The following CRYM variants were observed in gnomAD, a reference collection of about 807,000 sequenced individuals.
CRYM encodes the protein crystallin mu.
Under a neutral mutation model 32.9 loss-of-function variants are expected in CRYM, and 18 were observed. That is an observed-to-expected ratio of 0.55 (90% CI 0.38 to 0.81). The LOEUF (loss-of-function observed/expected upper bound fraction) is 0.81. CRYM is among the 30% of genes least tolerant of loss of function. CRYM has a pLI of 0.00. For missense variants in CRYM, 337 were observed against 393.5 expected (o/e 0.86, Z 1.21); for synonymous variants, 153 against 152.4 (o/e 1.00, Z -0.03).
In CRYM at chr16:21,259,488, C is replaced by T. The variant is rs146568903; in HGVS notation, c.881-643G>A. ...CAGGGTCTCTATTACAATTATTCAACTCTGCCTTTAGAGTAGAAAACACAG... is the reference window on the plus strand; with the variant it reads ...CAGGGTCTCTATTACAATTATTCAATTCTGCCTTTAGAGTAGAAAACACAG... On this transcript the variant is annotated intron_variant, in intron 7 of 7. Transcript: ENST00000572914. Among the ~76,000 whole-genome samples, 3 of 152,292 alleles carry T rather than the reference C, an allele frequency of 2.0e-5. No individual in the cohort carries two copies. In the East Asian group the frequency reaches 5.8e-4, roughly 29 times the overall value.
chr16:21,275,659 A>T, intron 2 of CRYM, 65 bp from the exon 3 acceptor site: 2 of 1,325,918 alleles, frequency 1.5e-6, no homozygotes, highest in Non-Finnish European at 2.2e-6. Flanking sequence ...TAGAAGAAAC[A>T]GTTCTAAAAT....
chr16:21,261,271 G>A lies in CRYM; in HGVS notation c.863C>T (p.Thr288Ile), dbSNP rs867999044. 11 of 1,613,662 alleles carry A rather than the reference G, an allele frequency of 6.8e-6. No homozygotes were observed. Among genetic ancestry groups the A allele is most frequent in the African/African-American group, 4.0e-5 (3 of 74,970 alleles). The change falls in exon 7 of 8, where the codon ACC (threonine) becomes ATC (isoleucine). Residue 288 changes from threonine to isoleucine, a missense_variant. Physicochemically the swap from Thr to Ile is moderately conservative, Grantham distance 89. Transcript: ENST00000572914. ...GVKPAHCEKT[T>I]VFKSLGMAVE... ...GATCTTACCCAAAGACTTGAACACG[G>A]TGGTCTTCTCACAGTGGGCTGGTTT...
chr16:21,276,616 G>C (rs2093387127), intron 2 of CRYM, among the ~76,000 whole-genome samples: 2 of 152,116 alleles, frequency 1.3e-5, no homozygotes, highest in South Asian at 4.1e-4. Context: ...GGGGGGAAGG[G>C]GAGTTAATAA....
Position 21,284,066 on chromosome 16 carries a change from G to C in CRYM, c.-192-5106C>G, listed in dbSNP as rs541265050. ...CCAGGGGGCCCACCCGCTGCCCGTG[G>C]TCGGCGCGCGGAGCTCGAAAGCGCG... On this transcript the variant is annotated intron_variant, in intron 1 of 9. Transcript: ENST00000219599. 10 of 152,302 alleles carry C rather than the reference G, an allele frequency of 6.6e-5. No individual in the cohort carries two copies. The East Asian group carries it at 1.7e-3, about 27-fold the overall frequency. The allele number at this position is 152,302 out of a possible 1,614,324, so 9.4% of individuals were successfully genotyped here.
intron 7 of CRYM, among the ~76,000 whole-genome samples, chr16:21,260,636 G>A (rs941795408): frequency 1.1e-4 from 17 of 152,162 alleles, no homozygotes; most frequent in African/African-American, 3.9e-4. Flanking sequence ...AATCTCATAG[G>A]GTGGAAGAGG....
At chr16:21,288,134 C>T (rs1044544690) in intron 1 of CRYM, among the ~76,000 whole-genome samples, 1 of 152,184 alleles carries the variant, frequency 6.6e-6, no homozygotes, top group African/African-American at 2.4e-5. Context: ...GTTGGGGTGT[C>T]AGAGAATAGG....
At chr16:21,264,115 C>T (rs189579473) in intron 5 of CRYM, among the ~76,000 whole-genome samples, 39 of 152,338 alleles carry the variant, frequency 2.6e-4, no homozygotes, top group Admixed American at 4.6e-4. Flanking sequence ...ACTGCCGCCC[C>T]GTTTTCTCCC....
rs1294043339 is a variant in CRYM at position 21,277,616 on chromosome 16, T to C, written c.171-32A>G. ...GGAGAGAGGGAGCAGCTTCAGCCCC[T>C]TCCCATCAATGCTGGGGTCTCTTAG... On this transcript the variant is annotated intron_variant, in intron 1 of 7. Transcript: ENST00000572914. This position sits in a 1 kb window ranked among gnomAD's most constrained non-coding sequence, Gnocchi z 4.2. The C allele has an allele frequency of 6.2e-7, 1 of 1,611,992 alleles. No homozygotes were observed. The highest frequency in any genetic ancestry group is 1.3e-5 in the African/African-American group (1 of 74,980).
At chr16:21,260,978 T>C in intron 7 of CRYM, 1 of 522,792 alleles carries the variant, frequency 1.9e-6, no homozygotes, top group Non-Finnish European at 3.5e-6. Flanking sequence ...TAATCCTCAA[T>C]GGTAACAGGT....
In CRYM at chr16:21,267,723, G is replaced by A; in HGVS notation, c.504C>T (p.Asn168=). Residue 168 remains asparagine (N), a synonymous_variant, in exon 5 of 8, where the codon AAC becomes AAT. Transcript: ENST00000572914. ...ACTTCTCTGCATTTTCTTTGGTGCG[G>A]TTCCATATCCTCACCTTCATTGGGA... The part of the protein sequence containing the change: ...QFSFKEVRIW[N]RTKENAEKFA... 1 of 1,614,192 alleles carries A rather than the reference G, an allele frequency of 6.2e-7. No individual in the cohort carries two copies. Among genetic ancestry groups the A allele is most frequent in the Non-Finnish European group, 8.5e-7 (1 of 1,180,030 alleles).
At chr16:21,298,196 A>G (rs1283323457) in intron 1 of CRYM, among the ~76,000 whole-genome samples, 1 of 152,242 alleles carries the variant, frequency 6.6e-6, no homozygotes, top group Non-Finnish European at 1.5e-5. Context: ...GAAGAGTGAA[A>G]GGGATATTCA....
intron 7 of CRYM, among the ~76,000 whole-genome samples, chr16:21,259,102 A>ATT (rs947572805): frequency 6.9e-6 from 1 of 144,104 alleles, no homozygotes; most frequent in African/African-American, 2.5e-5. Context: ...TTTTTTTTTA[A>ATT]TTTTTTTTTT....
chr16:21,284,749 G>A (rs1018612533), intron 1 of CRYM, among the ~76,000 whole-genome samples: 2 of 152,120 alleles, frequency 1.3e-5, no homozygotes, highest in Middle Eastern at 3.2e-3. Context: ...ACATACAGAC[G>A]CATGTATCTT....
chr16:21,280,029 G>A (rs2152863617), upstream of CRYM, among the ~76,000 whole-genome samples: 1 of 152,278 alleles, frequency 6.6e-6, no homozygotes, highest in South Asian at 2.1e-4. Flanking sequence ...AATGTTTCTG[G>A]CCCATCACGT....
chr16:21,297,502 G>A lies in CRYM; in HGVS notation c.-193+5476C>T, dbSNP rs542965825. Among the ~76,000 whole-genome samples the A allele has an allele frequency of 2.0e-5, 3 of 152,314 alleles. 1 individual carries two copies. Among genetic ancestry groups the A allele is most frequent in the African/African-American group, 7.2e-5 (3 of 41,574 alleles). ...AAAAAATTCCCATTAACTAAAAATT[G>A]ATTGGCAGAGCTTGTGTGTAAGAAC... On this transcript the variant is annotated intron_variant, in intron 1 of 9. Coordinates refer to the CRYM transcript ENST00000219599.
chr16:21,285,386 G>C (rs1027072250), intron 1 of CRYM, among the ~76,000 whole-genome samples: 1 of 152,124 alleles, frequency 6.6e-6, no homozygotes. Flanking sequence ...GTATGAATTG[G>C]GTTAATTTCT....
chr16:21,270,347 G>A (rs1046425740), intron 3 of CRYM, among the ~76,000 whole-genome samples: 3 of 151,650 alleles, frequency 2.0e-5, no homozygotes, highest in Admixed American at 1.3e-4. Flanking sequence ...GCAGTGGCAC[G>A]ATCTTGGCTC....
chr16:21,286,761 G>A (rs1392346999), intron 1 of CRYM, among the ~76,000 whole-genome samples: 2 of 152,090 alleles, frequency 1.3e-5, no homozygotes, highest in Non-Finnish European at 1.5e-5. Context: ...AGCCTACTAT[G>A]TCTCTCTTGG....
At chr16:21,271,902 A>G (rs1355529909) in intron 3 of CRYM, among the ~76,000 whole-genome samples, 1 of 151,702 alleles carries the variant, frequency 6.6e-6, no homozygotes, top group Non-Finnish European at 1.5e-5. Context: ...TTTGTCGCCC[A>G]GGCTGGAATG....
Sources: allele counts gnomAD v4.1 joint callset (sites outside exome capture counted in the v4.1 genomes callset), GRCh38; gene constraint gnomAD v4.1.1; non-coding constraint Gnocchi (gnomAD v3.1); transcripts MANE v1.5; gene names NCBI Gene and HGNC (gene_info 2026-07-23, HGNC 2026-07-21).